The following FBXO33 variants were observed in gnomAD, a reference collection of about 807,000 sequenced individuals.
The protein encoded by FBXO33 is F-box only protein 33.
A neutral mutation model predicts 46.3 loss-of-function variants in FBXO33; 22 were observed. The observed-to-expected ratio is 0.48, with a 90% CI of 0.34 to 0.68. FBXO33 has a LOEUF of 0.68. Ranked by LOEUF, FBXO33 falls within the 30% of genes least tolerant of loss-of-function variation. The pLI, the probability that FBXO33 is intolerant of heterozygous loss-of-function variation, is 0.01. For missense variants in FBXO33, 692 were observed against 708.8 expected (o/e 0.98, Z 0.27); for synonymous variants, 337 against 291.3 (o/e 1.16, Z -1.60).
chr14:39,431,528 C>A (rs761100137), intron 1 of FBXO33, 36 bp downstream of exon 1: 8 of 1,605,614 alleles, frequency 5.0e-6, no homozygotes, highest in African/African-American at 4.0e-5. Context: ...AGCGACCCCC[C>A]GTTACCGGGC....
At chr14:39,408,679 T>TA (rs2075409470) in intron 1 of FBXO33, among the ~76,000 whole-genome samples, 1 of 151,388 alleles carries the variant, frequency 6.6e-6, no homozygotes, top group Non-Finnish European at 1.5e-5. Context: ...TGCCTATTTT[T>TA]TTTTTTTTTC....
rs751686121 is a variant in FBXO33 at position 39,402,466 on chromosome 14, T to C, written c.645A>G (p.Gln215=). The change falls in exon 2 of 4, where the codon CAA becomes CAG. Residue 215 remains glutamine (Q), a synonymous_variant. Coordinates refer to ENST00000298097, the MANE Select transcript of FBXO33 (RefSeq NM_203301.4). ...ATGTATTTGACAAACTTCCTTGCTG[T>C]TGTAGAACACTTATGTCTCCAAAAA... The part of the protein sequence containing the change: ...FSLFGDISVL[Q]QQGSLSNTYL... 3.2e-6 allele frequency: 5 copies of C among 1,576,374 alleles called. No individual in the cohort carries two copies. Among genetic ancestry groups the C allele is most frequent in the Middle Eastern group, 1.7e-4 (1 of 5,960 alleles).
intron 1 of FBXO33, among the ~76,000 whole-genome samples, chr14:39,409,851 C>T (rs996166359): frequency 5.3e-5 from 8 of 151,818 alleles, no homozygotes; most frequent in African/African-American, 1.5e-4. Flanking sequence ...CTTAATTTCC[C>T]GTTGAATATA....
chr14:39,422,164 A>T (rs947015265), intron 1 of FBXO33, among the ~76,000 whole-genome samples: 2 of 152,230 alleles, frequency 1.3e-5, no homozygotes, highest in Non-Finnish European at 2.9e-5. Flanking sequence ...AGACTGAGGC[A>T]GGAGAAGTGC....
chr14:39,404,303 G>A (rs565216898), intron 1 of FBXO33, among the ~76,000 whole-genome samples: 7 of 152,232 alleles, frequency 4.6e-5, no homozygotes, highest in Admixed American at 6.5e-5. Context: ...GAGAGCAGGC[G>A]TCCCTAAATT....
intron 1 of FBXO33, among the ~76,000 whole-genome samples, chr14:39,423,278 A>T (rs2075494141): frequency 6.6e-6 from 1 of 152,234 alleles, no homozygotes; most frequent in South Asian, 2.1e-4. Flanking sequence ...ACTTGCTAAC[A>T]TGTTAGTAAC....
rs867989997 is a variant in FBXO33, at chr14:39,431,656, G to T, written c.507C>A (p.Val169=). ...GADTGTGGEE[V]EALQLSARWL... ...AACGAGCTGAGAGCTGCAGGGCCTCGACTTCCTCCCCTCCAGTCCCGGTGT... is the reference window on the plus strand; with the variant it reads ...AACGAGCTGAGAGCTGCAGGGCCTCTACTTCCTCCCCTCCAGTCCCGGTGT... Residue 169 remains valine, a synonymous_variant, in exon 1 of 4, where the codon GTC becomes GTA. Transcript: ENST00000298097. 4.3e-6 allele frequency: 7 copies of T among 1,613,580 alleles called. No homozygotes were observed. Among genetic ancestry groups the T allele is most frequent in the African/African-American group, 2.7e-5 (2 of 75,052 alleles).
intron 1 of FBXO33, among the ~76,000 whole-genome samples, chr14:39,417,688 G>A (rs1197077442): frequency 3.3e-5 from 5 of 151,984 alleles, no homozygotes; most frequent in Non-Finnish European, 4.4e-5. Context: ...GCACCACCAT[G>A]CCCAGCTAAT....
chr14:39,427,777 C>A (rs1038741505), intron 1 of FBXO33, among the ~76,000 whole-genome samples: 1 of 151,784 alleles, frequency 6.6e-6, no homozygotes, highest in African/African-American at 2.4e-5. Flanking sequence ...TGTCTTTACA[C>A]AAAATTAAAA....
intron 1 of FBXO33, among the ~76,000 whole-genome samples, chr14:39,429,845 G>A (rs2075534346): frequency 6.6e-6 from 1 of 152,164 alleles, no homozygotes; most frequent in African/African-American, 2.4e-5. Context: ...GTAGGGGTAA[G>A]GAAGAGAAGG....
chr14:39,399,654 CACT>C lies in FBXO33; in HGVS notation c.1527_1529del (p.Val510del). The C allele has an allele frequency of 6.2e-7, 1 of 1,614,040 alleles. No homozygotes were observed. Among genetic ancestry groups the C allele is most frequent in the East Asian group, 2.2e-5 (1 of 44,882 alleles). On this transcript the variant is annotated inframe_deletion, in exon 4 of 4. Transcript: ENST00000298097. Reference sequence around the variant, plus strand: ...GGGATACCTGCTCAATAAGGTTATGCACTGGATCTACATCCTGGTCGGCCAGTT... The same window carrying C: ...GGGATACCTGCTCAATAAGGTTATGCGGATCTACATCCTGGTCGGCCAGTT...
At chr14:39,421,038 G>A (rs1469736598) in intron 1 of FBXO33, among the ~76,000 whole-genome samples, 1 of 152,148 alleles carries the variant, frequency 6.6e-6, no homozygotes, top group Non-Finnish European at 1.5e-5. Flanking sequence ...CTATGAACAG[G>A]CATTACCCAG....
intron 1 of FBXO33, among the ~76,000 whole-genome samples, chr14:39,425,527 A>G (rs1489424032): frequency 6.6e-6 from 1 of 152,266 alleles, no homozygotes; most frequent in African/African-American, 2.4e-5. Context: ...TTAAATTAAT[A>G]AAAGCTAAAA....
At chr14:39,407,910 T>C (rs770096944) in intron 1 of FBXO33, among the ~76,000 whole-genome samples, 6 of 152,196 alleles carry the variant, frequency 3.9e-5, no homozygotes, top group Non-Finnish European at 4.4e-5. Flanking sequence ...CCACAAACAG[T>C]TGTATAAAAG....
chr14:39,429,474 T>C (rs890343801), intron 1 of FBXO33, among the ~76,000 whole-genome samples: 1 of 152,248 alleles, frequency 6.6e-6, no homozygotes, highest in African/African-American at 2.4e-5. Flanking sequence ...CATTTTCAGA[T>C]TTGTTAAAAT....
At chr14:39,407,520 A>G (rs577262720) in intron 1 of FBXO33, among the ~76,000 whole-genome samples, 6 of 152,372 alleles carry the variant, frequency 3.9e-5, no homozygotes, top group Admixed American at 3.3e-4. Context: ...TGACTATTTT[A>G]GATACCTCAC....
intron 1 of FBXO33, among the ~76,000 whole-genome samples, chr14:39,431,344 T>C (rs2075547734): frequency 6.6e-6 from 1 of 151,990 alleles, no homozygotes; most frequent in African/African-American, 2.4e-5. Context: ...AAGTGGTGTC[T>C]GTTAAACACC....
chr14:39,409,026 C>T (rs1026930982), intron 1 of FBXO33, among the ~76,000 whole-genome samples: 4 of 152,046 alleles, frequency 2.6e-5, no homozygotes, highest in African/African-American at 9.7e-5. Flanking sequence ...ATCTGCCTGC[C>T]TCGGCCTCTT....
chr14:39,407,594 T>C (rs2075404789), intron 1 of FBXO33, among the ~76,000 whole-genome samples: 1 of 152,266 alleles, frequency 6.6e-6, no homozygotes, highest in South Asian at 2.1e-4. Flanking sequence ...CATAATGTCC[T>C]GTGGGTTCAT....
Sources: allele counts gnomAD v4.1 joint callset (sites outside exome capture counted in the v4.1 genomes callset), GRCh38; gene constraint gnomAD v4.1.1; transcripts MANE v1.5; gene names NCBI Gene and HGNC (gene_info 2026-07-23, HGNC 2026-07-21).